SLIT3: variants seen among roughly 807,000 people sequenced by gnomAD.
SLIT3 encodes the protein slit guidance ligand 3.
A neutral mutation model predicts 184.0 loss-of-function variants in SLIT3; 68 were observed. The ratio of observed to expected loss-of-function variants is 0.37; its 90% CI spans 0.30 to 0.45. The LOEUF (loss-of-function observed/expected upper bound fraction) is 0.45, where lower values mean the gene tolerates loss of function less well. SLIT3 is among the 20% of genes least tolerant of loss of function. The pLI is 1.00. For synonymous variants in SLIT3, 831 were observed against 828.6 expected, an observed-to-expected ratio of 1.00 and a Z score of -0.05; for missense variants, 1,707 against 2,026.0, an observed-to-expected ratio of 0.84 and a Z score of 3.02.
At chr5:168,988,731 A>G (rs1755216594) in intron 4 of SLIT3, among the ~76,000 whole-genome samples, 1 of 152,122 alleles carries the variant, frequency 6.6e-6, no homozygotes, top group South Asian at 2.1e-4. Flanking sequence ...GAAAATCTTC[A>G]CGGATCTCAC....
intron 4 of SLIT3, among the ~76,000 whole-genome samples, chr5:169,168,920 G>A (rs1433909651): frequency 6.6e-6 from 1 of 152,168 alleles, no homozygotes; most frequent in Non-Finnish European, 1.5e-5. Flanking sequence ...AACAGACTGG[G>A]GACCACTCAG....
chr5:168,678,861 C>T lies in SLIT3; in HGVS notation c.3686+5105G>A, dbSNP rs185593770. 3.8e-3 allele frequency among the ~76,000 whole-genome samples: 574 copies of T among 152,218 alleles called. 1 individual carries two copies. The highest frequency in any genetic ancestry group is 5.7e-3 in the Non-Finnish European group (386 of 68,006). The stretch of plus-strand genomic sequence containing the variant: ...GGTCCCAAGCCCCAATGATTAGTCT[C>T]CTGGAGAGATATTTAAGGATTTCAG... On this transcript the variant is annotated intron_variant, in intron 32 of 35. Transcript: ENST00000519560.
At chr5:168,752,542 T>C (rs910202517) in intron 18 of SLIT3, 5 of 178,538 alleles carry the variant, frequency 2.8e-5, no homozygotes, top group Admixed American at 2.8e-4. Context: ...TTACGGATAC[T>C]CACCACCATA....
intron 4 of SLIT3, among the ~76,000 whole-genome samples, chr5:169,173,400 G>A (rs533122149): frequency 2.0e-5 from 3 of 152,318 alleles, no homozygotes; most frequent in East Asian, 1.9e-4. Context: ...AAAGGAGTAC[G>A]TAAGGAGTGA....
At chr5:168,903,398 A>G (rs1760934672) in intron 4 of SLIT3, among the ~76,000 whole-genome samples, 1 of 151,920 alleles carries the variant, frequency 6.6e-6, no homozygotes, top group Non-Finnish European at 1.5e-5. Flanking sequence ...TTATTTTGGC[A>G]TTTTCTGATG....
At chr5:168,934,336 C>G (rs1455568577) in intron 4 of SLIT3, among the ~76,000 whole-genome samples, 1 of 152,184 alleles carries the variant, frequency 6.6e-6, no homozygotes, top group African/African-American at 2.4e-5. Flanking sequence ...GGTTGAGATT[C>G]TACTTAAATA....
At chr5:169,243,831 G>T (rs927751097) in intron 3 of SLIT3, among the ~76,000 whole-genome samples, 83 of 152,220 alleles carry the variant, frequency 5.5e-4, no homozygotes, top group Non-Finnish European at 3.4e-4. Flanking sequence ...AGGCTGAAAT[G>T]TCAGGGCAAC....
At chr5:168,682,355 C>T (rs574811348) in intron 32 of SLIT3, among the ~76,000 whole-genome samples, 1 of 152,360 alleles carries the variant, frequency 6.6e-6, no homozygotes, top group South Asian at 2.1e-4. Context: ...GCTCTTTCTG[C>T]AGGAAGTTTT....
chr5:168,758,240 T>C (rs1046073514), intron 16 of SLIT3, among the ~76,000 whole-genome samples: 1 of 152,222 alleles, frequency 6.6e-6, no homozygotes, highest in African/African-American at 2.4e-5. Flanking sequence ...TGTTGTTTTC[T>C]GGGGCATACA....
intron 4 of SLIT3, among the ~76,000 whole-genome samples, chr5:168,967,385 G>A (rs1416268574): frequency 6.7e-5 from 10 of 148,704 alleles, no homozygotes; most frequent in South Asian, 4.3e-4. Flanking sequence ...TAACACTTGC[G>A]TCATAATTTT....
At chr5:168,857,389 T>C (rs1308976616) in intron 5 of SLIT3, among the ~76,000 whole-genome samples, 1 of 151,990 alleles carries the variant, frequency 6.6e-6, no homozygotes, top group Non-Finnish European at 1.5e-5. Flanking sequence ...TTTTGTTTTG[T>C]TTTGTTTTGT....
chr5:168,927,046 G>A (rs1761850569), intron 4 of SLIT3, among the ~76,000 whole-genome samples: 1 of 152,162 alleles, frequency 6.6e-6, no homozygotes, highest in Non-Finnish European at 1.5e-5. Flanking sequence ...TAAATTGAAT[G>A]CAGAGTCTTG....
Position 168,934,556 on chromosome 5 carries a change from T to TCA in SLIT3, c.414-51221_414-51220insTG, listed in dbSNP as rs1291634800. Among the ~76,000 whole-genome samples the TCA allele has an allele frequency of 2.6e-5, 4 of 152,126 alleles. No homozygotes were observed. In the East Asian group the frequency reaches 7.7e-4, roughly 29 times the overall value. ...GAGACAGGCTGATACCACAAGATGA[T>TCA]GGGAAAGGCACGCGGCTGTGGGAGC... On this transcript the variant is annotated intron_variant, in intron 4 of 35. Transcript: ENST00000519560.
rs542308602 is a variant in SLIT3 at position 169,187,042 on chromosome 5, C to T, written c.413+6437G>A. ...TTTTTTTTAAAGCTGTCAAATACCT[C>T]GTATAACTGAATGGAGAATAAATAA... On this transcript the variant is annotated intron_variant, in intron 4 of 35. Transcript: ENST00000519560. 3.4e-5 allele frequency among the ~76,000 whole-genome samples: 5 copies of T among 148,190 alleles called. 1 individual carries two copies. Among genetic ancestry groups the T allele is most frequent in the African/African-American group, 5.0e-5 (2 of 40,360 alleles).
intron 4 of SLIT3, among the ~76,000 whole-genome samples, chr5:169,092,249 G>C (rs1449163987): frequency 6.6e-6 from 1 of 152,154 alleles, no homozygotes; most frequent in Non-Finnish European, 1.5e-5. Context: ...AGGTAGGCAG[G>C]GTTGGTCAAA....
intron 20 of SLIT3, among the ~76,000 whole-genome samples, chr5:168,746,843 G>T (rs1303176257): frequency 1.0e-5 from 1 of 97,962 alleles, no homozygotes; most frequent in Non-Finnish European, 2.1e-5. Flanking sequence ...TGGGTGTGGT[G>T]GTGTGTGGTG....
chr5:168,806,532 G>C lies in SLIT3; in HGVS notation c.849C>G (p.Pro283=), dbSNP rs1347360048. 4 of 1,614,214 alleles carry C rather than the reference G, an allele frequency of 2.5e-6. No homozygotes were observed. The highest frequency in any genetic ancestry group is 2.2e-5 in the East Asian group (1 of 44,888). The change falls in exon 9 of 36, where the codon CCC becomes CCG. Residue 283 remains proline, a synonymous_variant. Transcript: ENST00000519560. ...CCACGATGTTATTGCTGCACGTGCA[G>C]GGCGAAGGGCAGGAGATGGAGTTGG... ...CNANSISCPS[P]CTCSNNIVDC...
chr5:169,196,310 G>A (rs1763741265), intron 3 of SLIT3, among the ~76,000 whole-genome samples: 1 of 152,218 alleles, frequency 6.6e-6, no homozygotes, highest in Admixed American at 6.5e-5. Flanking sequence ...ATTCACCGGG[G>A]CTGGGCACAG....
chr5:169,187,555 C>T (rs923277521), intron 4 of SLIT3, among the ~76,000 whole-genome samples: 1 of 89,046 alleles, frequency 1.1e-5, no homozygotes, highest in Non-Finnish European at 2.3e-5. Flanking sequence ...TTCTTTCTTT[C>T]TTTCTTTTTT....
Sources: allele counts gnomAD v4.1 joint callset (sites outside exome capture counted in the v4.1 genomes callset), GRCh38; gene constraint gnomAD v4.1.1; transcripts MANE v1.5; gene names NCBI Gene and HGNC (gene_info 2026-07-23, HGNC 2026-07-21).